Variants in PCLO observed in about 807,000 individuals in gnomAD.
The protein encoded by PCLO is protein piccolo.
A neutral mutation model predicts 427.5 loss-of-function variants in PCLO; 82 were observed. The ratio of observed to expected loss-of-function variants is 0.19; its 90% CI spans 0.16 to 0.23. The LOEUF (loss-of-function observed/expected upper bound fraction) is 0.23, where lower values mean the gene tolerates loss of function less well. Ranked by LOEUF, PCLO falls within the 10% of genes least tolerant of loss-of-function variation. The pLI, the probability that PCLO is intolerant of heterozygous loss-of-function variation, is 1.00. For synonymous variants in PCLO, 2,357 were observed against 2,155.4 expected (o/e 1.09, Z -2.59); for missense variants, 6,239 against 6,115.9 (o/e 1.02, Z -0.67).
intron 3 of PCLO, among the ~76,000 whole-genome samples, chr7:83,125,281 C>T (rs569021789): frequency 3.7e-4 from 56 of 151,704 alleles, no homozygotes; most frequent in Middle Eastern, 3.4e-3. Flanking sequence ...GGAGCCCCTC[C>T]GCCCGGCCGC....
At chr7:82,958,984 A>G (rs970475729) in intron 4 of PCLO, among the ~76,000 whole-genome samples, 15 of 152,128 alleles carry the variant, frequency 9.9e-5, no homozygotes, top group African/African-American at 2.4e-4. Flanking sequence ...GGGGTGGGGT[A>G]CTTAAGCTCC....
At chr7:83,030,579 T>G (rs184647283) in intron 3 of PCLO, among the ~76,000 whole-genome samples, 8 of 152,266 alleles carry the variant, frequency 5.3e-5, no homozygotes, top group Admixed American at 2.0e-4. Context: ...AGGGCTGGAA[T>G]TACAGTGATG....
At chr7:82,878,767 G>A (rs1793432339) in intron 10 of PCLO, among the ~76,000 whole-genome samples, 1 of 152,176 alleles carries the variant, frequency 6.6e-6, no homozygotes, top group Non-Finnish European at 1.5e-5. Flanking sequence ...TAAAGGGCCA[G>A]GAGTAAATAG....
At chr7:82,899,652 C>T (rs1322153883) in intron 9 of PCLO, among the ~76,000 whole-genome samples, 1 of 150,930 alleles carries the variant, frequency 6.6e-6, no homozygotes, top group Non-Finnish European at 1.5e-5. Context: ...ATTTATTGTC[C>T]AAAAAAATAA....
At chr7:82,919,012 C>T (rs1192447492) in intron 6 of PCLO, among the ~76,000 whole-genome samples, 1 of 151,940 alleles carries the variant, frequency 6.6e-6, no homozygotes, top group Non-Finnish European at 1.5e-5. Flanking sequence ...GAAGTCACTT[C>T]TTTTCAAAAT....
Position 82,915,504 on chromosome 7 carries a change from G to A in PCLO, c.12482C>T (p.Ser4161Phe), listed in dbSNP as rs1794427972. The A allele has an allele frequency of 3.1e-6, 5 of 1,613,658 alleles. No individual in the cohort carries two copies. The highest frequency in any genetic ancestry group is 4.2e-6 in the Non-Finnish European group (5 of 1,179,674). Reference protein sequence around the residue: ...ADTSYRHFPKSEKYSISRLTL... With the variant: ...ADTSYRHFPKFEKYSISRLTL... ...GAGTCTACTGATGCTATACTTCTCA[G>A]ATTTTGGAAAATGTCTGTAGCTAGT... is the stretch of plus-strand genomic sequence containing the variant. Residue 4161 changes from serine (S) to phenylalanine (F), a missense_variant, in exon 7 of 25, where the codon TCT (serine) becomes TTT (phenylalanine). Physicochemically the swap from Ser to Phe is radical, Grantham distance 155. Transcript: ENST00000333891.
At chr7:82,873,818 T>TA (rs1554345165) in intron 10 of PCLO, among the ~76,000 whole-genome samples, 1 of 137,336 alleles carries the variant, frequency 7.3e-6, no homozygotes, top group African/African-American at 2.7e-5. Flanking sequence ...AGTTCTAGAT[T>TA]GGGGGGGTGG....
intron 10 of PCLO, among the ~76,000 whole-genome samples, chr7:82,860,956 A>T (rs560378675): frequency 6.6e-6 from 1 of 152,214 alleles, no homozygotes; most frequent in Non-Finnish European, 1.5e-5. Context: ...ACCAAAAAGC[A>T]TATGATATAT....
chr7:82,927,437 G>GAAAT (rs1196925611), intron 6 of PCLO, among the ~76,000 whole-genome samples: 1 of 152,094 alleles, frequency 6.6e-6, no homozygotes, highest in Non-Finnish European at 1.5e-5. Flanking sequence ...TTTTCAGTCT[G>GAAAT]GAGCCTTGTC....
chr7:82,900,127 T>G (rs1031983722), intron 9 of PCLO, among the ~76,000 whole-genome samples: 1 of 151,582 alleles, frequency 6.6e-6, no homozygotes, highest in Non-Finnish European at 1.5e-5. Flanking sequence ...ACTATGAAAG[T>G]TTCAATTATC....
chr7:82,860,928 G>A (rs1349492857), intron 10 of PCLO, among the ~76,000 whole-genome samples: 2 of 151,934 alleles, frequency 1.3e-5, no homozygotes, highest in East Asian at 3.9e-4. Context: ...GTATTTGCAA[G>A]CCTCAAGGTA....
At chr7:82,978,844 AC>A (rs1405416980) in intron 3 of PCLO, among the ~76,000 whole-genome samples, 3 of 111,966 alleles carry the variant, frequency 2.7e-5, no homozygotes, top group African/African-American at 1.1e-4. Flanking sequence ...AAACACACAC[AC>A]ACACACACAC....
intron 16 of PCLO, among the ~76,000 whole-genome samples, chr7:82,835,024 A>C: frequency 6.6e-6 from 1 of 151,810 alleles, no homozygotes; most frequent in East Asian, 1.9e-4. Flanking sequence ...GGCTCACTGC[A>C]AGCTCCACCT....
At chr7:83,127,131 G>A (rs1287459348) in intron 3 of PCLO, among the ~76,000 whole-genome samples, 1 of 151,988 alleles carries the variant, frequency 6.6e-6, no homozygotes, top group Non-Finnish European at 1.5e-5. Context: ...TAGTTTTCAA[G>A]AGGAGAATGT....
At chr7:82,891,896 C>T (rs1466002615) in intron 9 of PCLO, among the ~76,000 whole-genome samples, 3 of 152,032 alleles carry the variant, frequency 2.0e-5, no homozygotes, top group Admixed American at 2.0e-4. Context: ...GAACTACAAA[C>T]TACTGCTCAA....
chr7:83,157,508 AAT>A (rs1354180078), intron 1 of PCLO, among the ~76,000 whole-genome samples: 2 of 151,948 alleles, frequency 1.3e-5, no homozygotes, highest in African/African-American at 4.8e-5. Context: ...TGCATAGACA[AAT>A]ATACAAGACA....
intron 9 of PCLO, among the ~76,000 whole-genome samples, chr7:82,889,777 A>G (rs2116110228): frequency 6.6e-6 from 1 of 152,246 alleles, no homozygotes; most frequent in South Asian, 2.1e-4. Flanking sequence ...TGTAATAAGA[A>G]CCAGTCATTA....
intron 6 of PCLO, among the ~76,000 whole-genome samples, chr7:82,934,893 A>G (rs1794915842): frequency 6.6e-6 from 1 of 151,612 alleles, no homozygotes; most frequent in South Asian, 2.1e-4. Context: ...GCTAATTGTT[A>G]TTATAGTATA....
chr7:83,054,253 G>GTTTTTTTTT (rs1789322708), intron 3 of PCLO, among the ~76,000 whole-genome samples: 2 of 152,002 alleles, frequency 1.3e-5, no homozygotes, highest in Non-Finnish European at 2.9e-5. Context: ...AAAAAGAAAT[G>GTTTTTTTTT]TTGCAAAACC....
Sources: allele counts gnomAD v4.1 joint callset (sites outside exome capture counted in the v4.1 genomes callset), GRCh38; gene constraint gnomAD v4.1.1; transcripts MANE v1.5; gene names NCBI Gene and HGNC (gene_info 2026-07-23, HGNC 2026-07-21).